PASK: variants seen among roughly 807,000 people sequenced by gnomAD.
PASK encodes PAS domain-containing serine/threonine-protein kinase.
Under a neutral mutation model 121.0 loss-of-function variants are expected in PASK, and 110 were observed. The ratio of observed to expected loss-of-function variants is 0.91; its 90% confidence interval spans 0.78 to 1.06. The LOEUF (loss-of-function observed/expected upper bound fraction) is 1.06, where lower values mean the gene tolerates loss of function less well. Ranked by LOEUF, PASK falls within the 50% of genes least tolerant of loss-of-function variation. PASK has a pLI of 0.00. For missense variants in PASK, 1,643 were observed against 1,702.3 expected (o/e 0.97, Z 0.61); for synonymous variants, 686 against 717.8 (o/e 0.96, Z 0.71).
chr2:241,122,681 G>A (rs780273269), intron 12 of PASK, 51 bp downstream of exon 12: 4 of 1,558,768 alleles, frequency 2.6e-6, no homozygotes, highest in Non-Finnish European at 3.5e-6. Context: ...CAAAAGTCGA[G>A]AGCCATGTGA....
intron 8 of PASK, chr2:241,133,316 C>G: frequency 2.1e-6 from 1 of 474,030 alleles, no homozygotes. Flanking sequence ...CCATCTGACT[C>G]TGGATAGAAG....
At chr2:241,135,039 T>G (rs954809353) in intron 8 of PASK, among the ~76,000 whole-genome samples, 1 of 152,176 alleles carries the variant, frequency 6.6e-6, no homozygotes, top group Admixed American at 6.5e-5. Context: ...AGCTCAGGCG[T>G]GGGCCCTGCC....
Position 241,135,993 on chromosome 2 carries a change from G to GC in PASK, c.1183dup (p.Ala395GlyfsTer20). On this transcript the variant is annotated frameshift_variant, in exon 8 of 18. Transcript: ENST00000234040. LOFTEE classifies it high-confidence loss of function. ...TGGGAGCTGTAATGAGCTGTTGTACGCAAGGTCCATGTAGCTGTAGAAACC... is the reference window on the plus strand; with the variant it reads ...TGGGAGCTGTAATGAGCTGTTGTACGCCAAGGTCCATGTAGCTGTAGAAACC... 3.1e-6 allele frequency: 5 copies of GC among 1,613,778 alleles called. No homozygotes were observed. The highest frequency in any genetic ancestry group is 4.2e-6 in the Non-Finnish European group (5 of 1,179,626).
intron 1 of PASK, among the ~76,000 whole-genome samples, chr2:241,143,848 C>G (rs922651174): frequency 6.6e-6 from 1 of 152,244 alleles, no homozygotes; most frequent in Non-Finnish European, 1.5e-5. Flanking sequence ...GTCGCGGGGG[C>G]CATGGCCAAG....
chr2:241,128,968 AG>A (rs770131256), intron 9 of PASK, among the ~76,000 whole-genome samples: 3 of 151,782 alleles, frequency 2.0e-5, no homozygotes, highest in South Asian at 2.1e-4. Context: ...AGGGGAACTG[AG>A]GGGGAGGCTG....
rs1261685669 is a variant in PASK at position 241,115,389 on chromosome 2, CCTT to C, written c.3094_3096del (p.Lys1032del). 6.2e-7 allele frequency: 1 copy of C among 1,613,864 alleles called. No homozygotes were observed. Among genetic ancestry groups the C allele is most frequent in the Admixed American group, 1.7e-5 (1 of 60,008 alleles). ...ATCCAACAATCCTCCAAGACCTTCTCCTTCTTAATAAACTTCACCACCACCTGT... is the reference window on the plus strand; with the variant it reads ...ATCCAACAATCCTCCAAGACCTTCTCCTTAATAAACTTCACCACCACCTGT... On this transcript the variant is annotated inframe_deletion, in exon 13 of 18. Coordinates refer to ENST00000234040, the MANE Select transcript of PASK (RefSeq NM_015148.4).
At chr2:241,123,767 G>A (rs2065729436) in intron 11 of PASK, among the ~76,000 whole-genome samples, 182 bp downstream of exon 11, 1 of 151,104 alleles carries the variant, frequency 6.6e-6, no homozygotes, top group Non-Finnish European at 1.5e-5. Context: ...GCAGTGAGCT[G>A]AGAAAGCACC....
At chr2:241,149,847 G>A (rs1315392642), upstream of PASK, 8 of 1,482,976 alleles carry the variant, frequency 5.4e-6, no homozygotes, top group Non-Finnish European at 6.2e-6. Context: ...GACTTGCAAG[G>A]GGAGCCCAGC....
At chr2:241,132,680 T>G (rs2066219008) in intron 9 of PASK, among the ~76,000 whole-genome samples, 194 bp downstream of exon 9, 1 of 152,232 alleles carries the variant, frequency 6.6e-6, no homozygotes, top group Non-Finnish European at 1.5e-5. Flanking sequence ...CCATACAGGC[T>G]GATAAGGACT....
chr2:241,149,725 T>A (rs770269126), upstream of PASK: 266 of 1,548,476 alleles, frequency 1.7e-4, no homozygotes, highest in Non-Finnish European at 2.1e-4. Context: ...AGCGCAGAGC[T>A]CGCCTCTTGG....
At chr2:241,115,651 A>G (rs374694484) in intron 12 of PASK, among the ~76,000 whole-genome samples, 40 of 64,186 alleles carry the variant, frequency 6.2e-4, no homozygotes, top group African/African-American at 1.2e-3. Flanking sequence ...TACACCAGGG[A>G]CACCCGGTCC....
Position 241,140,087 on chromosome 2 carries a change from G to C in PASK, c.430-32C>G, listed in dbSNP as rs183060338. On this transcript the variant is annotated intron_variant, in intron 3 of 17. Coordinates refer to ENST00000234040, the MANE Select transcript of PASK (RefSeq NM_015148.4). Reference sequence around the variant, plus strand: ...AATCACAAAGAGGAGCAAGGATGCAGACATCCCCAGCAGCTCCACCAGCTG... The same window carrying C: ...AATCACAAAGAGGAGCAAGGATGCACACATCCCCAGCAGCTCCACCAGCTG... 3.0e-5 allele frequency: 47 copies of C among 1,589,666 alleles called. No homozygotes were observed. In the African/African-American group the frequency reaches 6.2e-4, roughly 21 times the overall value.
chr2:241,109,691 AG>A (rs2065027862), intron 15 of PASK: 1 of 152,320 alleles, frequency 6.6e-6, no homozygotes, highest in Non-Finnish European at 1.5e-5. Context: ...GACGGATGAG[AG>A]CTGTAGGGGC....
Position 241,143,270 on chromosome 2 carries a change from C to A in PASK, c.-42-196G>T, listed in dbSNP as rs4675994. Among the ~76,000 whole-genome samples, 6,819 of 152,260 alleles carry A rather than the reference C, an allele frequency of 0.045. 706 individuals carry two copies. In the East Asian group the frequency reaches 0.45, roughly 10 times the overall value. The stretch of plus-strand genomic sequence containing the variant: ...AAAGAAGCTCTTTCCGGGCCAGGCA[C>A]GGTGGCGCACGCCTGTCATCCCAGC... On this transcript the variant is annotated intron_variant, in intron 1 of 17. Coordinates refer to ENST00000234040, the MANE Select transcript of PASK (RefSeq NM_015148.4).
rs1442309868 is a variant in PASK at position 241,135,860 on chromosome 2, G to A, written c.1306+11C>T. 6.2e-7 allele frequency: 1 copy of A among 1,612,792 alleles called. No individual in the cohort carries two copies. The highest frequency in any genetic ancestry group is 8.5e-7 in the Non-Finnish European group (1 of 1,178,924). On this transcript the variant is annotated intron_variant, in intron 8 of 17. Transcript: ENST00000234040. ...GCTACAGGCGCATTCAGGAGGAAGA[G>A]GACGTCTTACCCTGGCCCCCCTCAG...
intron 4 of PASK, chr2:241,139,426 T>C (rs910949967): frequency 4.5e-6 from 2 of 440,320 alleles, no homozygotes; most frequent in African/African-American, 2.0e-5. Flanking sequence ...AACATCCAGG[T>C]TGGACACATG....
rs770431606 is a variant in PASK, at chr2:241,138,607, C to A, written c.741+47G>T. 6.2e-6 allele frequency: 10 copies of A among 1,609,758 alleles called. No homozygotes were observed. The East Asian group carries it at 1.8e-4, about 29-fold the overall frequency. On this transcript the variant is annotated intron_variant, in intron 5 of 17. Coordinates refer to ENST00000234040, the MANE Select transcript of PASK (RefSeq NM_015148.4). ...CAGCACTTGCTGAAGAGGAGAACGA[C>A]GCCGGCTCCAGCGTCCATGAGACAT... is the stretch of plus-strand genomic sequence containing the variant.
chr2:241,130,608 T>C (rs986600265), intron 9 of PASK, among the ~76,000 whole-genome samples: 10 of 152,084 alleles, frequency 6.6e-5, no homozygotes, highest in African/African-American at 2.2e-4. Flanking sequence ...CATAGTAATA[T>C]TGAAAACTCA....
intron 12 of PASK, among the ~76,000 whole-genome samples, chr2:241,120,635 TCA>T (rs2065567538): frequency 6.6e-6 from 1 of 152,164 alleles, no homozygotes; most frequent in Admixed American, 6.5e-5. Flanking sequence ...AGCTACCCCT[TCA>T]CACCCCCTAG....
Sources: gnomAD v4.1 joint callset for allele counts (sites outside exome capture counted in the v4.1 genomes callset) on GRCh38, gnomAD v4.1.1 for gene constraint, MANE v1.5 for transcripts, NCBI Gene and HGNC (gene_info 2026-07-23, HGNC 2026-07-21) for gene names.